Variants in SCAP observed in about 807,000 individuals in gnomAD.
The protein encoded by SCAP is sterol regulatory element-binding protein cleavage-activating protein.
A neutral mutation model predicts 123.6 loss-of-function variants in SCAP; 65 were observed. The ratio of observed to expected loss-of-function variants is 0.53; its 90% confidence interval spans 0.43 to 0.65. The LOEUF (loss-of-function observed/expected upper bound fraction) is 0.65, where lower values mean the gene tolerates loss of function less well. Among genes scored for constraint, SCAP ranks in the 30% least tolerant of loss-of-function variants. The pLI is 0.00. For missense variants in SCAP, 1,398 were observed against 1,712.5 expected, an observed-to-expected ratio of 0.82 and a Z score of 3.24; for synonymous variants, 740 against 726.3, an observed-to-expected ratio of 1.02 and a Z score of -0.30.
In SCAP at chr3:47,414,632, C is replaced by T. The variant is rs140861904; in HGVS notation, c.3327G>A (p.Ser1109=). 24 of 1,613,218 alleles carry T rather than the reference C, an allele frequency of 1.5e-5. No individual in the cohort carries two copies. Among genetic ancestry groups the T allele is most frequent in the African/African-American group, 5.3e-5 (4 of 74,940 alleles). The change falls in exon 21 of 23, where the codon TCG becomes TCA. Residue 1109 remains serine, a synonymous_variant. Transcript: ENST00000265565. ...HTLRVFRLED[S]CCLFTLQGHS... ...GGCCCTGAAGGGTGAAGAGGCAGCA[C>T]GAGTCCTCCAGACGGAACACCTGGG...
chr3:47,414,541 G>C, intron 21 of SCAP, 31 bp downstream of exon 21: 1 of 1,612,216 alleles, frequency 6.2e-7, no homozygotes. Flanking sequence ...CACAGACTCT[G>C]TACCCCCTAC....
chr3:47,417,047 A>C (rs1705611951), intron 18 of SCAP, 75 bp downstream of exon 18: 1 of 1,327,042 alleles, frequency 7.5e-7, no homozygotes, highest in Non-Finnish European at 1.1e-6. Flanking sequence ...AGAGAACCAG[A>C]ACTCAAGACT....
chr3:47,451,289 T>C lies in SCAP; in HGVS notation c.-98-8198A>G, dbSNP rs1423670104. On this transcript the variant is annotated intron_variant, in intron 1 of 22. Transcript: ENST00000265565. ...CACCATTCCATCAAGAAACAGAACATTACCCCAAAGGTCCCCTTTATGAGC... is the reference window on the plus strand; with the variant it reads ...CACCATTCCATCAAGAAACAGAACACTACCCCAAAGGTCCCCTTTATGAGC... Among the ~76,000 whole-genome samples, 3 of 123,696 alleles carry C rather than the reference T, an allele frequency of 2.4e-5. 1 individual carries two copies. The highest frequency in any genetic ancestry group is 8.3e-5 in the African/African-American group (3 of 36,060). 81.1% of individuals were successfully genotyped at this position (123,696 alleles called of 152,430 possible).
In SCAP at chr3:47,439,618, G is replaced by T. The variant is rs1447492119; in HGVS notation, c.122+3254C>A. Among the ~76,000 whole-genome samples the T allele has an allele frequency of 2.0e-5, 3 of 152,146 alleles. No homozygotes were observed. The highest frequency in any genetic ancestry group is 4.4e-5 in the Non-Finnish European group (3 of 68,034). ...TTACCAGGGCAGGTTCAGATTAACA[G>T]TACCCTCTGTCTTGCTGGGCTGCTG... On this transcript the variant is annotated intron_variant, in intron 2 of 22. Coordinates refer to ENST00000265565, the MANE Select transcript of SCAP (RefSeq NM_012235.4). This position sits in a 1 kb window ranked among gnomAD's most constrained non-coding sequence, Gnocchi z 4.0.
chr3:47,422,006 G>A (rs1184359235), intron 10 of SCAP, among the ~76,000 whole-genome samples: 1 of 152,282 alleles, frequency 6.6e-6, no homozygotes, highest in Non-Finnish European at 1.5e-5. Flanking sequence ...GGCGACTGCG[G>A]CACAGGCCAG....
intron 1 of SCAP, among the ~76,000 whole-genome samples, chr3:47,457,201 G>A (rs533422842): frequency 6.6e-6 from 1 of 152,258 alleles, no homozygotes; most frequent in African/African-American, 2.4e-5. Context: ...TCTGGGGAGA[G>A]GATCTGGTAG....
At chr3:47,434,537 A>C (rs1443293173) in intron 3 of SCAP, among the ~76,000 whole-genome samples, 1 of 152,198 alleles carries the variant, frequency 6.6e-6, no homozygotes, top group Non-Finnish European at 1.5e-5. Flanking sequence ...GGAGACCTAG[A>C]GTTCCAAACT....
chr3:47,416,615 CTTTTTTTTTTTTT>C (rs3077503), intron 18 of SCAP, among the ~76,000 whole-genome samples: 14 of 70,184 alleles, frequency 2.0e-4, no homozygotes, highest in East Asian at 1.3e-3. Flanking sequence ...ACCCCTAACG[CTTTTTTTTTTTTT>C]TTTTTTTTTT....
rs1707482395 is a variant in SCAP at position 47,457,751 on chromosome 3, CA to C, written c.-98-14661del. Among the ~76,000 whole-genome samples, 6 of 151,022 alleles carry C rather than the reference CA, an allele frequency of 4.0e-5. No homozygotes were observed. In the South Asian group the frequency reaches 1.0e-3, roughly 26 times the overall value. On this transcript the variant is annotated intron_variant, in intron 1 of 22. Transcript: ENST00000265565. ...TGAAACCCCGTCTCTACTAAAAATACAAAAAATTAGCTGGGCCTGGTGGCGG... is the reference window on the plus strand; with the variant it reads ...TGAAACCCCGTCTCTACTAAAAATACAAAAATTAGCTGGGCCTGGTGGCGG...
intron 10 of SCAP, chr3:47,421,425 C>A: frequency 5.3e-6 from 1 of 187,544 alleles, no homozygotes; most frequent in East Asian, 1.4e-4. Context: ...GAGCCCAGGC[C>A]TGATTCAGGG....
intron 1 of SCAP, among the ~76,000 whole-genome samples, chr3:47,444,856 C>G (rs1350812222): frequency 6.6e-6 from 1 of 151,422 alleles, no homozygotes; most frequent in Admixed American, 6.6e-5. Flanking sequence ...AATGAAATCT[C>G]TGTCTCCTGG....
At chr3:47,429,255 C>G (rs1406412185) in intron 3 of SCAP, among the ~76,000 whole-genome samples, 1 of 152,256 alleles carries the variant, frequency 6.6e-6, no homozygotes, top group African/African-American at 2.4e-5. Context: ...GCTTCTAGCA[C>G]ATTGGGCAGC....
In SCAP at chr3:47,439,697, C is replaced by T. The variant is rs1017339963; in HGVS notation, c.122+3175G>A. On this transcript the variant is annotated intron_variant, in intron 2 of 22. Coordinates refer to ENST00000265565, the MANE Select transcript of SCAP (RefSeq NM_012235.4). This position sits in a 1 kb window ranked among gnomAD's most constrained non-coding sequence, Gnocchi z 4.0. ...AACCTCCAAGAGTTATAAACAGACA[C>T]CTCTTGCCATAATGCCTATTTGCTA... Among the ~76,000 whole-genome samples, 2 of 152,142 alleles carry T rather than the reference C, an allele frequency of 1.3e-5. No individual in the cohort carries two copies. The highest frequency in any genetic ancestry group is 4.8e-5 in the African/African-American group (2 of 41,420).
chr3:47,443,958 G>T (rs1706925421), intron 1 of SCAP, among the ~76,000 whole-genome samples: 1 of 152,122 alleles, frequency 6.6e-6, no homozygotes. Flanking sequence ...TCCCACAGAG[G>T]TTCCTGCTCC....
chr3:47,432,467 T>C (rs1038941153), intron 3 of SCAP, among the ~76,000 whole-genome samples: 1 of 152,120 alleles, frequency 6.6e-6, no homozygotes, highest in Admixed American at 6.5e-5. Context: ...CTTTGTCTTC[T>C]CTTTCCAAAC....
At chr3:47,456,731 T>C (rs1707440448) in intron 1 of SCAP, among the ~76,000 whole-genome samples, 2 of 151,104 alleles carry the variant, frequency 1.3e-5, no homozygotes. Context: ...TCCGAGATCG[T>C]GTGAGATCGT....
intron 1 of SCAP, among the ~76,000 whole-genome samples, chr3:47,465,764 G>A (rs1707799756): frequency 6.8e-6 from 1 of 147,028 alleles, no homozygotes. Context: ...GCAAGACTCC[G>A]TCTCAAAAAA....
chr3:47,417,415 G>C lies in SCAP; in HGVS notation c.2859C>G (p.Pro953=), dbSNP rs139075380. Residue 953 remains proline (P), a synonymous_variant, in exon 17 of 23, where the codon CCC becomes CCG. Transcript: ENST00000265565. Reference sequence around the variant, plus strand: ...AGGCGAGGGAAGGGGAGCCTTTCTCGGGGGAGCCACCCTCGTCCTCAGGGG... The same window carrying C: ...AGGCGAGGGAAGGGGAGCCTTTCTCCGGGGAGCCACCCTCGTCCTCAGGGG... The part of the protein sequence containing the change: ...SQAPEDEGGS[P]EKGSPSLAWA... 17 of 1,571,336 alleles carry C rather than the reference G, an allele frequency of 1.1e-5. No individual in the cohort carries two copies. Among genetic ancestry groups the C allele is most frequent in the East Asian group, 2.4e-5 (1 of 41,918 alleles).
upstream of SCAP, among the ~76,000 whole-genome samples, chr3:47,476,771 CCCCACCTG>C (rs1708281539): frequency 6.6e-6 from 1 of 152,128 alleles, no homozygotes; most frequent in African/African-American, 2.4e-5. Context: ...AAACACAGGT[CCCCACCTG>C]CCCAGCTCTG....
Sources: gnomAD v4.1 joint callset for allele counts (sites outside exome capture counted in the v4.1 genomes callset) on GRCh38, gnomAD v4.1.1 for gene constraint, Gnocchi (gnomAD v3.1) non-coding constraint, MANE v1.5 for transcripts, NCBI Gene and HGNC (gene_info 2026-07-23, HGNC 2026-07-21) for gene names.